Variants in PC observed in about 807,000 individuals in gnomAD.
PC encodes pyruvate carboxylase, mitochondrial.
In PC, 46 loss-of-function variants were observed where a neutral mutation model predicts 107.8. The ratio of observed to expected loss-of-function variants is 0.43; its 90% CI spans 0.34 to 0.55. The LOEUF (loss-of-function observed/expected upper bound fraction) is 0.55. Ranked by LOEUF, PC falls within the 20% of genes least tolerant of loss-of-function variation. The pLI, the probability that PC is intolerant of heterozygous loss-of-function variation, is 0.04. For missense variants in PC, 1,241 were observed against 1,643.1 expected (o/e 0.76, Z 4.23); for synonymous variants, 662 against 684.7 (o/e 0.97, Z 0.52).
At position 66,928,470 on chromosome 11, in the gene PC, G is replaced by T. The variant is rs1273586058; in HGVS notation, c.-1+23960C>A. Among the ~76,000 whole-genome samples the T allele has an allele frequency of 4.0e-5, 6 of 151,554 alleles. No individual in the cohort carries two copies. In the East Asian group the frequency reaches 1.2e-3, roughly 29 times the overall value. On this transcript the variant is annotated intron_variant, in intron 3 of 22. Coordinates refer to ENST00000393960, the MANE Select transcript of PC (RefSeq NM_001040716.2). ...CTTGGCAGCAGCAGAATGACCATGG[G>T]GTGTTCAGTCTACCTAGTAGTGCAA...
chr11:66,928,250 G>A (rs57535372), intron 3 of PC, among the ~76,000 whole-genome samples: 20,451 of 151,866 alleles, frequency 0.13, 1,539 homozygotes, highest in East Asian at 0.23. Context: ...AGCCAGGCGC[G>A]GTGGTGGACA....
chr11:66,851,833 T>C lies in PC; in HGVS notation c.1939A>G (p.Asn647Asp). The C allele has an allele frequency of 6.2e-7, 1 of 1,614,094 alleles. No individual in the cohort carries two copies. The change falls in exon 16 of 23, where the codon AAT becomes GAT. Residue 647 changes from asparagine to aspartate, a missense_variant. Asn to Asp is a conservative substitution (Grantham distance 23, BLOSUM62 1). Transcript: ENST00000393960. ...GGGTAGTTGGTGTAGCCCACAGCATTGGCCCCCCGCAGCAGCATCTGGAAA... is the reference window on the plus strand; with the variant it reads ...GGGTAGTTGGTGTAGCCCACAGCATCGGCCCCCCGCAGCAGCATCTGGAAA... ...IPFQMLLRGA[N>D]AVGYTNYPDN...
At chr11:66,856,429 CGG>C (rs993959899) in intron 12 of PC, among the ~76,000 whole-genome samples, 11 of 138,768 alleles carry the variant, frequency 7.9e-5, no homozygotes, top group Non-Finnish European at 1.7e-4. Flanking sequence ...GCGGCGGGGG[CGG>C]GGCGCCTGCC....
chr11:66,958,168 C>T (rs1287797805), intron 1 of PC, among the ~76,000 whole-genome samples, 154 bp downstream of exon 1: 1 of 151,902 alleles, frequency 6.6e-6, no homozygotes, highest in Non-Finnish European at 1.5e-5. Context: ...GCGCACAGCC[C>T]GTCGCTGTCT....
At chr11:66,865,981 T>A (rs1190883639) in intron 11 of PC, among the ~76,000 whole-genome samples, 1 of 152,124 alleles carries the variant, frequency 6.6e-6, no homozygotes, top group Non-Finnish European at 1.5e-5. Flanking sequence ...CCTCCTGACC[T>A]GGGCGCCCAG....
intron 3 of PC, among the ~76,000 whole-genome samples, chr11:66,910,489 A>C (rs1948305507): frequency 6.6e-6 from 1 of 152,170 alleles, no homozygotes; most frequent in Non-Finnish European, 1.5e-5. Context: ...TTATTCGGAA[A>C]GCTTGTGAGG....
chr11:66,851,369 C>T (rs1945479559), intron 16 of PC, 89 bp from the exon 17 acceptor site: 6 of 1,570,132 alleles, frequency 3.8e-6, no homozygotes, highest in South Asian at 1.1e-5. Flanking sequence ...ACTCTATGGC[C>T]CCTGGGGAAT....
chr11:66,937,267 A>T (rs1398675166), intron 3 of PC, among the ~76,000 whole-genome samples: 2 of 152,226 alleles, frequency 1.3e-5, no homozygotes, highest in Non-Finnish European at 2.9e-5. Flanking sequence ...CAATAATTAC[A>T]GTTGAAGGTT....
At chr11:66,936,972 A>G (rs1365737000) in intron 3 of PC, among the ~76,000 whole-genome samples, 1 of 152,020 alleles carries the variant, frequency 6.6e-6, no homozygotes, top group Non-Finnish European at 1.5e-5. Flanking sequence ...CCCCCTAAGT[A>G]GCTGGGACTA....
chr11:66,947,867 G>A (rs1949337488), intron 3 of PC, among the ~76,000 whole-genome samples: 1 of 150,484 alleles, frequency 6.6e-6, no homozygotes, highest in African/African-American at 2.4e-5. Context: ...GGAGGCTAAG[G>A]CAGAAGAATC....
chr11:66,921,492 G>A (rs956714164), intron 3 of PC, among the ~76,000 whole-genome samples: 1 of 152,146 alleles, frequency 6.6e-6, no homozygotes, highest in African/African-American at 2.4e-5. Context: ...AAGGACACAA[G>A]CACAGAAATG....
chr11:66,885,935 C>T (rs967004986), intron 3 of PC, among the ~76,000 whole-genome samples: 2 of 152,224 alleles, frequency 1.3e-5, no homozygotes, highest in African/African-American at 4.8e-5. Context: ...ACACCAGGGG[C>T]TGGAGAAGCA....
chr11:66,849,525 C>T (rs867666218), intron 21 of PC, 86 bp downstream of exon 21: 34 of 1,609,950 alleles, frequency 2.1e-5, no homozygotes, highest in African/African-American at 9.4e-5. Flanking sequence ...CCAAAGCTTG[C>T]GAGGCTGGGT....
intron 12 of PC, chr11:66,860,154 G>A: frequency 6.5e-7 from 1 of 1,548,792 alleles, no homozygotes; most frequent in Non-Finnish European, 8.7e-7. Flanking sequence ...GTGCCGGGGG[G>A]TAGGAGGCAG....
rs200766019 is a variant in PC, at chr11:66,871,682, C to G, written c.321+5G>C. ...GTCCAGGCCCAGCCAGGCCACTGGG[C>G]TCACCTTGGCCACCTTGATGATGTC... On this transcript the variant is annotated splice_donor_5th_base_variant and intron_variant, in intron 5 of 22. Transcript: ENST00000393960. This position sits in a 1 kb window ranked among gnomAD's most constrained non-coding sequence, Gnocchi z 7.4. 1 of 1,564,656 alleles carries G rather than the reference C, an allele frequency of 6.4e-7. No individual in the cohort carries two copies. The highest frequency in any genetic ancestry group is 1.4e-5 in the African/African-American group (1 of 73,600).
intron 3 of PC, among the ~76,000 whole-genome samples, chr11:66,938,633 C>T (rs192214835): frequency 6.6e-6 from 1 of 152,180 alleles, no homozygotes; most frequent in Admixed American, 6.5e-5. Context: ...AATTTTGTAA[C>T]TCCAGCAACC....
chr11:66,887,675 CA>C (rs1295233603), intron 3 of PC, among the ~76,000 whole-genome samples: 1 of 152,220 alleles, frequency 6.6e-6, no homozygotes, highest in Non-Finnish European at 1.5e-5. Flanking sequence ...ACGAGAGAGC[CA>C]GGGGCAGGGG....
At position 66,866,613 on chromosome 11, in the gene PC, G is replaced by A. The variant is rs1323532939; in HGVS notation, c.1023-264C>T. 6.6e-6 allele frequency among the ~76,000 whole-genome samples: 1 copy of A among 152,166 alleles called. No homozygotes were observed. Among genetic ancestry groups the A allele is most frequent in the Non-Finnish European group, 1.5e-5 (1 of 68,024 alleles). On this transcript the variant is annotated intron_variant, in intron 10 of 22. Coordinates refer to ENST00000393960, the MANE Select transcript of PC (RefSeq NM_001040716.2). The surrounding 1 kb of genome is among the most constrained non-coding windows in gnomAD (Gnocchi z 5.4). ...TGAAATACCAGGACCACCTGCTCCT[G>A]CATTCCTGACTCACGGTGCCGTCCA...
In PC at chr11:66,850,393, C is replaced by T. The variant is rs1200819608; in HGVS notation, c.2545G>A (p.Asp849Asn). ...CCAGACTTCATGGTGGCCGTGCAGT[C>T]GAAGGCCGCGTACAGTCCCCGAGCC... is the stretch of plus-strand genomic sequence containing the variant. ...EGARGLYAAF[D>N]CTATMKSGNS... The change falls in exon 19 of 23, where the codon GAC becomes AAC. Residue 849 changes from aspartate to asparagine, a missense_variant. By Grantham distance (23) the Asp-to-Asn change is conservative. Transcript: ENST00000393960. 3 of 1,614,022 alleles carry T rather than the reference C, an allele frequency of 1.9e-6. No individual in the cohort carries two copies. Among genetic ancestry groups the T allele is most frequent in the Non-Finnish European group, 2.5e-6 (3 of 1,180,010 alleles).
Sources: allele counts gnomAD v4.1 joint callset (sites outside exome capture counted in the v4.1 genomes callset), GRCh38; gene constraint gnomAD v4.1.1; non-coding constraint Gnocchi (gnomAD v3.1); transcripts MANE v1.5; gene names NCBI Gene and HGNC (gene_info 2026-07-23, HGNC 2026-07-21).